The following CTCF variants were observed in gnomAD, a reference collection of about 807,000 sequenced individuals.
CTCF encodes the protein transcriptional repressor CTCF.
In CTCF, 7 loss-of-function variants were observed where a neutral mutation model predicts 72.3. The observed-to-expected ratio is 0.10, with a 90% CI of 0.06 to 0.18. The LOEUF (loss-of-function observed/expected upper bound fraction) is 0.18, where lower values mean the gene tolerates loss of function less well. Ranked by LOEUF, CTCF falls within the 10% of genes least tolerant of loss-of-function variation. CTCF has a pLI of 1.00. For missense variants in CTCF, 516 were observed against 949.1 expected (o/e 0.54, Z 6.00); for synonymous variants, 374 against 315.8 (o/e 1.18, Z -1.95).
intron 7 of CTCF, 29 bp from the exon 8 acceptor site, chr16:67,626,526 T>G: frequency 7.2e-7 from 1 of 1,384,810 alleles, no homozygotes; most frequent in African/African-American, 1.5e-5. Flanking sequence ...TGTTTTCACA[T>G]TACCCTGGGC....
intron 2 of CTCF, among the ~76,000 whole-genome samples, chr16:67,600,644 G>A (rs182368897): frequency 3.1e-4 from 47 of 152,138 alleles, no homozygotes; most frequent in Non-Finnish European, 5.7e-4. Flanking sequence ...CAAAGTGCTG[G>A]GATTACAGGC....
intron 5 of CTCF, 57 bp downstream of exon 5, chr16:67,616,935 T>C: frequency 6.4e-7 from 1 of 1,569,270 alleles, no homozygotes; most frequent in Non-Finnish European, 8.8e-7. Context: ...TTTATTTCAA[T>C]ACAAAGCTAT....
intron 1 of CTCF, chr16:67,563,578 C>G (rs1010118744): frequency 6.6e-6 from 1 of 152,224 alleles, no homozygotes; most frequent in Non-Finnish European, 1.5e-5. Flanking sequence ...GTGCGGCCCC[C>G]CCACGGTGGG....
chr16:67,564,481 C>T (rs1018955007), intron 1 of CTCF, among the ~76,000 whole-genome samples: 4 of 152,194 alleles, frequency 2.6e-5, no homozygotes, highest in African/African-American at 7.2e-5. Flanking sequence ...CCTTTTGGAA[C>T]CCTGCAAAAT....
chr16:67,608,216 C>T (rs968393089), intron 2 of CTCF, among the ~76,000 whole-genome samples: 2 of 150,176 alleles, frequency 1.3e-5, no homozygotes, highest in South Asian at 2.1e-4. Context: ...CCCAGCTACT[C>T]GGGAGGCTGA....
chr16:67,584,344 T>TTTTTTTTTC (rs2051635645), intron 2 of CTCF, among the ~76,000 whole-genome samples: 4 of 145,648 alleles, frequency 2.7e-5, no homozygotes, highest in South Asian at 4.5e-4. Context: ...CTTCTTTTTT[T>TTTTTTTTTC]TTTTTTTTTT....
chr16:67,631,165 G>GTTTTTTTT (rs931210083), intron 10 of CTCF, among the ~76,000 whole-genome samples: 1 of 131,128 alleles, frequency 7.6e-6, no homozygotes, highest in Admixed American at 7.4e-5. Flanking sequence ...TTTTTTTTTT[G>GTTTTTTTT]TTTTTTGTTT....
At chr16:67,587,637 T>C (rs562965219) in intron 2 of CTCF, among the ~76,000 whole-genome samples, 24 of 151,950 alleles carry the variant, frequency 1.6e-4, no homozygotes, top group South Asian at 6.2e-4. Flanking sequence ...CTTCAAGGCT[T>C]ACTCTGCTTG....
intron 2 of CTCF, among the ~76,000 whole-genome samples, chr16:67,609,333 AATAG>A (rs1463560177): frequency 6.6e-6 from 1 of 152,208 alleles, no homozygotes; most frequent in Non-Finnish European, 1.5e-5. Flanking sequence ...CATGTTGTAT[AATAG>A]ATCTCTTGAA....
intron 2 of CTCF, among the ~76,000 whole-genome samples, chr16:67,580,240 C>T (rs190908275): frequency 3.3e-5 from 5 of 152,276 alleles, no homozygotes; most frequent in East Asian, 1.9e-4. Context: ...GACAGACTCT[C>T]GCTCTGTTGC....
Position 67,597,401 on chromosome 16 carries a change from G to A in CTCF, c.-9-13423G>A, listed in dbSNP as rs117188670. Among the ~76,000 whole-genome samples, 445 of 151,890 alleles carry A rather than the reference G, an allele frequency of 2.9e-3. 23 individuals are homozygous for A. The East Asian group carries it at 0.072, about 25-fold the overall frequency. ...GTTGCCCAGGCTGAAGTGCAGTGGC[G>A]TGATCTTGACGCACTACAACCTCCA... is the stretch of plus-strand genomic sequence containing the variant. On this transcript the variant is annotated intron_variant, in intron 2 of 11. Transcript: ENST00000264010.
chr16:67,628,201 C>G (rs1334591674), intron 8 of CTCF, among the ~76,000 whole-genome samples, 169 bp from the exon 9 acceptor site: 4 of 152,204 alleles, frequency 2.6e-5, no homozygotes, highest in African/African-American at 7.2e-5. Context: ...GACTTTGCAA[C>G]AGAGCAAGAC....
chr16:67,637,886 T>C lies in CTCF; in HGVS notation c.*14T>C. 1 of 1,595,032 alleles carries C rather than the reference T, an allele frequency of 6.3e-7. No individual in the cohort carries two copies. The highest frequency in any genetic ancestry group is 1.1e-5 in the South Asian group (1 of 90,102). ...ATGGACCGGTGATGGCGGAGCCTTG[T>C]GCGTCGCCAGGACTTCTCTGGGCTG... On this transcript the variant is annotated 3_prime_UTR_variant, in exon 12 of 12. Coordinates refer to ENST00000264010, the MANE Select transcript of CTCF (RefSeq NM_006565.4).
At chr16:67,599,279 C>T (rs961340210) in intron 2 of CTCF, among the ~76,000 whole-genome samples, 1 of 152,188 alleles carries the variant, frequency 6.6e-6, no homozygotes, top group African/African-American at 2.4e-5. Context: ...CTGGTAGTCC[C>T]AGCTGCTCAG....
intron 5 of CTCF, among the ~76,000 whole-genome samples, chr16:67,619,852 G>A (rs1597720237): frequency 6.6e-6 from 1 of 152,138 alleles, no homozygotes; most frequent in East Asian, 1.9e-4. Context: ...CCAAAGTGCT[G>A]GGACTACAGG....
rs116284389 is a variant in CTCF at position 67,621,093 on chromosome 16, A to G, written c.1207+276A>G. On this transcript the variant is annotated intron_variant, in intron 6 of 11. Coordinates refer to ENST00000264010, the MANE Select transcript of CTCF (RefSeq NM_006565.4). ...GTTAAAATGGACAGATTTTAATTTT[A>G]AAAGTCTGGGTAGATTTCCTAACCT... 1,173 of 366,542 alleles carry G rather than the reference A, an allele frequency of 3.2e-3. 8 individuals are homozygous for G. The highest frequency in any genetic ancestry group is 0.02 in the African/African-American group (995 of 48,640). 22.7% of individuals were successfully genotyped at this position (366,542 alleles called of 1,614,324 possible).
intron 5 of CTCF, among the ~76,000 whole-genome samples, chr16:67,620,382 G>A (rs2052185529): frequency 6.6e-6 from 1 of 152,074 alleles, no homozygotes; most frequent in South Asian, 2.1e-4. Flanking sequence ...TGTATTGTTA[G>A]TAGATACGGG....
Position 67,601,252 on chromosome 16 carries a change from G to GTGTGTTT in CTCF, c.-9-9569_-9-9568insGTTTTGT, listed in dbSNP as rs201556166. Among the ~76,000 whole-genome samples the GTGTGTTT allele has an allele frequency of 2.9e-3, 399 of 137,042 alleles. 1 individual carries two copies. The highest frequency in any genetic ancestry group is 5.3e-3 in the Non-Finnish European group (342 of 64,396). The allele number at this position is 137,042 out of a possible 152,430, so 89.9% of individuals were successfully genotyped here. On this transcript the variant is annotated intron_variant, in intron 2 of 11. Coordinates refer to ENST00000264010, the MANE Select transcript of CTCF (RefSeq NM_006565.4). ...TGTGTGTGTGTGTGTGTGTGTGTGT[G>GTGTGTTT]TGTTTTGTTTTGTTTTTTAAGACAG... is the stretch of plus-strand genomic sequence containing the variant.
chr16:67,577,485 TGG>T (rs1226531783), intron 2 of CTCF, among the ~76,000 whole-genome samples: 5 of 151,494 alleles, frequency 3.3e-5, no homozygotes, highest in African/African-American at 1.2e-4. Context: ...TTGCCCAGGC[TGG>T]AGTGCAGTGG....
Sources: gnomAD v4.1 joint callset for allele counts (sites outside exome capture counted in the v4.1 genomes callset) on GRCh38, gnomAD v4.1.1 for gene constraint, MANE v1.5 for transcripts, NCBI Gene and HGNC (gene_info 2026-07-23, HGNC 2026-07-21) for gene names.